Variants in CDC42BPA observed in about 807,000 individuals in gnomAD.
The protein encoded by CDC42BPA is CDC42 binding protein kinase alpha.
CDC42BPA carries 80 observed loss-of-function variants against 223.5 expected under a neutral mutation model. That is an observed-to-expected ratio of 0.36 (90% CI 0.30 to 0.43). The LOEUF is 0.43. Ranked by LOEUF, CDC42BPA falls within the 20% of genes least tolerant of loss-of-function variation. The probability of loss-of-function intolerance (pLI) is 1.00; values close to 1 mark genes in which losing one functional copy is unlikely to be tolerated. For synonymous variants in CDC42BPA, 694 were observed against 718.6 expected (o/e 0.97, Z 0.55); for missense variants, 1,743 against 2,099.9 (o/e 0.83, Z 3.32).
At chr1:227,216,444 A>T (rs948362465) in intron 2 of CDC42BPA, among the ~76,000 whole-genome samples, 1 of 152,232 alleles carries the variant, frequency 6.6e-6, no homozygotes, top group East Asian at 1.9e-4. Context: ...TAACAGTTTC[A>T]TGAGCTACCT....
chr1:227,035,693 T>C (rs1228690117), intron 24 of CDC42BPA, 86 bp from the exon 25 acceptor site: 6 of 896,726 alleles, frequency 6.7e-6, no homozygotes, highest in Non-Finnish European at 8.3e-6. Flanking sequence ...CAAGATGCTA[T>C]GTTAGATGAA....
rs1166776552 is a variant in CDC42BPA, at chr1:227,051,965, T to C, written c.2925A>G (p.Thr975=). 2.9e-6 allele frequency: 4 copies of C among 1,366,240 alleles called. No homozygotes were observed. Among genetic ancestry groups the C allele is most frequent in the Non-Finnish European group, 2.9e-6 (3 of 1,021,582 alleles). 84.6% of individuals were successfully genotyped at this position (1,366,240 alleles called of 1,614,324 possible). A position where few individuals can be genotyped will look rare whatever the true frequency, so the allele number is the denominator to read the frequency against. ...DQFETDPVEN[T]YVWNPSVKFH... ...ACTTGACGCTCGGGTTCCATACATA[T>C]GTGTTCTCAACGGGATCAGTCTAGG... Residue 975 remains threonine (T), a synonymous_variant, in exon 22 of 37, where the codon ACA becomes ACG. Transcript: ENST00000366766.
At chr1:227,310,566 TG>T (rs1693330327) in intron 1 of CDC42BPA, among the ~76,000 whole-genome samples, 1 of 151,946 alleles carries the variant, frequency 6.6e-6, no homozygotes, top group Non-Finnish European at 1.5e-5. Flanking sequence ...GAAAAAGAGA[TG>T]GCAGTCATAG....
chr1:227,234,051 T>C (rs1678534407), intron 2 of CDC42BPA, among the ~76,000 whole-genome samples: 1 of 152,180 alleles, frequency 6.6e-6, no homozygotes, highest in East Asian at 1.9e-4. Context: ...AAATATTTTT[T>C]TATGTTGTTC....
intron 6 of CDC42BPA, among the ~76,000 whole-genome samples, chr1:227,152,029 AAAATAAAATAC>A (rs1403261757): frequency 6.6e-6 from 1 of 152,096 alleles, no homozygotes; most frequent in Non-Finnish European, 1.5e-5. Context: ...TCTCTAAAAT[AAAATAAAATAC>A]AAATAAATAA....
At position 226,993,600 on chromosome 1, in the gene CDC42BPA, A is replaced by G. The variant is rs568215299; in HGVS notation, c.*668T>C. 1.3e-5 allele frequency: 2 copies of G among 152,586 alleles called. No homozygotes were observed. Among genetic ancestry groups the G allele is most frequent in the African/African-American group, 4.8e-5 (2 of 41,434 alleles). 9.5% of individuals were successfully genotyped at this position (152,586 alleles called of 1,614,324 possible). ...AGCTTGAGGCCTTTCCACCCTTTAC[A>G]TTACATTACAGACAAGAAACAACAT... On this transcript the variant is annotated 3_prime_UTR_variant, in exon 37 of 37. Transcript: ENST00000366766.
intron 15 of CDC42BPA, among the ~76,000 whole-genome samples, chr1:227,096,673 T>TA (rs1684062055): frequency 2.0e-5 from 3 of 152,218 alleles, no homozygotes; most frequent in Admixed American, 2.0e-4. Flanking sequence ...AGTTTTAGTC[T>TA]ACATTCCTGG....
Position 227,156,050 on chromosome 1 carries a change from C to CA in CDC42BPA, c.693+4492dup, listed in dbSNP as rs557524659. 3.3e-4 allele frequency among the ~76,000 whole-genome samples: 50 copies of CA among 151,598 alleles called. No individual in the cohort carries two copies. The South Asian group carries it at 9.2e-3, about 28-fold the overall frequency. ...TGGGTGATAGAGCAAGACCCTGCCTCAAAAAATAAGACAATAAAATCTAAA... is the reference window on the plus strand; with the variant it reads ...TGGGTGATAGAGCAAGACCCTGCCTCAAAAAAATAAGACAATAAAATCTAAA... On this transcript the variant is annotated intron_variant, in intron 6 of 36. Transcript: ENST00000366766.
In CDC42BPA at chr1:227,028,664, G is replaced by A. The variant is rs1668709254; in HGVS notation, c.4425C>T (p.Ser1475=). ...TAAGAAAGAGAATCTTACAACAAGAGGAAGGATTTGCTGGCCACATCAATT... is the reference window on the plus strand; with the variant it reads ...TAAGAAAGAGAATCTTACAACAAGAAGAAGGATTTGCTGGCCACATCAATT... ...QQELMWPANP[S]SCCYNAPYLS... Residue 1475 remains serine, a synonymous_variant, in exon 30 of 37, where the codon TCC becomes TCT. Transcript: ENST00000366766. 2 of 1,551,668 alleles carry A rather than the reference G, an allele frequency of 1.3e-6. No individual in the cohort carries two copies. The highest frequency in any genetic ancestry group is 1.7e-6 in the Non-Finnish European group (2 of 1,143,480).
intron 2 of CDC42BPA, among the ~76,000 whole-genome samples, chr1:227,223,204 G>A (rs1359447027): frequency 6.6e-6 from 1 of 152,146 alleles, no homozygotes; most frequent in Non-Finnish European, 1.5e-5. Flanking sequence ...AAATGGATGT[G>A]ACTGAGGATG....
Position 227,107,084 on chromosome 1 carries a change from A to G in CDC42BPA, c.2001+5228T>C, listed in dbSNP as rs115657599. ...TGAGGATCAGCTTTTTATTTCTGCA[A>G]AAAAGACTTTGAATTTTGATAGGGA... On this transcript the variant is annotated intron_variant, in intron 14 of 36. Coordinates refer to ENST00000366766, the MANE Select transcript of CDC42BPA (RefSeq NM_001394014.1). 6.0e-3 allele frequency among the ~76,000 whole-genome samples: 910 copies of G among 152,302 alleles called. 10 individuals are homozygous for G. Among genetic ancestry groups the G allele is most frequent in the African/African-American group, 0.021 (857 of 41,570 alleles).
chr1:227,000,522 C>T (rs1456738358), intron 35 of CDC42BPA, among the ~76,000 whole-genome samples: 2 of 152,184 alleles, frequency 1.3e-5, no homozygotes, highest in African/African-American at 4.8e-5. Context: ...ATTTTACCTT[C>T]CTGAGTTTCC....
At chr1:227,197,261 G>T (rs527481408) in intron 4 of CDC42BPA, among the ~76,000 whole-genome samples, 32 of 152,000 alleles carry the variant, frequency 2.1e-4, no homozygotes, top group African/African-American at 7.0e-4. Context: ...TAGCTTTGTC[G>T]ACATTTTTTA....
intron 15 of CDC42BPA, among the ~76,000 whole-genome samples, chr1:227,098,087 C>T (rs1684348497): frequency 6.6e-6 from 1 of 151,938 alleles, no homozygotes; most frequent in Admixed American, 6.6e-5. Context: ...ATTCTTTATT[C>T]TGAGGAGGCA....
In CDC42BPA at chr1:227,112,814, T is replaced by G; in HGVS notation, c.1747A>C (p.Asn583His). The stretch of plus-strand genomic sequence containing the variant: ...GTGTGCAATTCTGTTAGCCGCTCAT[T>G]GATCTCCATGAATTCCTGCATGGCC... ...KLAMQEFMEI[N>H]ERLTELHTQK... The change falls in exon 13 of 37, where the codon AAT becomes CAT. Residue 583 changes from asparagine to histidine, a missense_variant. Asn to His is a moderately conservative substitution (Grantham distance 68). This residue lies in a region of CDC42BPA where 464 missense variants were observed against 488.0 expected (regional missense o/e 0.95). Coordinates refer to ENST00000366766, the MANE Select transcript of CDC42BPA (RefSeq NM_001394014.1). 6.2e-7 allele frequency: 1 copy of G among 1,614,138 alleles called. No individual in the cohort carries two copies. The highest frequency in any genetic ancestry group is 8.5e-7 in the Non-Finnish European group (1 of 1,179,990).
At chr1:227,169,808 T>C (rs1277167542) in intron 5 of CDC42BPA, among the ~76,000 whole-genome samples, 2 of 152,320 alleles carry the variant, frequency 1.3e-5, no homozygotes, top group Middle Eastern at 3.4e-3. Context: ...TAATGGTCTT[T>C]GTGCTATGCT....
chr1:227,131,796 G>A (rs1287043408), intron 10 of CDC42BPA, among the ~76,000 whole-genome samples: 1 of 152,184 alleles, frequency 6.6e-6, no homozygotes, highest in Non-Finnish European at 1.5e-5. Context: ...ACTTAAGTGA[G>A]AAAATAAATC....
At chr1:227,181,406 A>G (rs1054273734) in intron 5 of CDC42BPA, among the ~76,000 whole-genome samples, 3 of 152,124 alleles carry the variant, frequency 2.0e-5, no homozygotes, top group African/African-American at 4.8e-5. Flanking sequence ...CAGAACCTCA[A>G]TGGTCATTTT....
chr1:227,141,470 G>A (rs909594030), intron 9 of CDC42BPA, among the ~76,000 whole-genome samples: 1 of 152,136 alleles, frequency 6.6e-6, no homozygotes, highest in African/African-American at 2.4e-5. Context: ...GGAAGATACT[G>A]GCCTTACTAG....
Sources: gnomAD v4.1 joint callset for allele counts (sites outside exome capture counted in the v4.1 genomes callset) on GRCh38, gnomAD v4.1.1 for gene constraint, gnomAD v4.1.1 regional missense constraint, MANE v1.5 for transcripts, NCBI Gene and HGNC (gene_info 2026-07-23, HGNC 2026-07-21) for gene names.